The following HFM1 variants were observed in gnomAD, a reference collection of about 807,000 sequenced individuals.
HFM1 encodes the protein helicase for meiosis 1, also known as probable ATP-dependent DNA helicase HFM1.
A neutral mutation model predicts 192.1 loss-of-function variants in HFM1; 169 were observed. That is an observed-to-expected ratio of 0.88 (90% CI 0.78 to 1.00). The LOEUF is 1.00. Ranked by LOEUF, HFM1 falls within the 50% of genes least tolerant of loss-of-function variation. The pLI is 0.00. For missense variants in HFM1, 1,661 were observed against 1,668.0 expected (o/e 1.00, Z 0.07); for synonymous variants, 525 against 537.8 (o/e 0.98, Z 0.33).
At chr1:91,366,814 C>A (rs1659381948) in intron 13 of HFM1, among the ~76,000 whole-genome samples, 3 of 152,202 alleles carry the variant, frequency 2.0e-5, no homozygotes, top group African/African-American at 4.8e-5. Flanking sequence ...CGAGGCATCG[C>A]CTCACCCGGG....
rs191149879 is a variant in HFM1, at chr1:91,310,633, G to C, written c.3391+2716C>G. Among the ~76,000 whole-genome samples, 666 of 152,284 alleles carry C rather than the reference G, an allele frequency of 4.4e-3. 5 individuals carry two copies. Among genetic ancestry groups the C allele is most frequent in the Admixed American group, 9.1e-3 (139 of 15,296 alleles). On this transcript the variant is annotated intron_variant, in intron 30 of 38. Coordinates refer to ENST00000370425, the MANE Select transcript of HFM1 (RefSeq NM_001017975.6). ...CCCACGTGTTGTGGAAGGGACTGAG[G>C]GGGAGGTAATTGAATCATGGAGGCT...
At position 91,385,654 on chromosome 1, in the gene HFM1, A is replaced by C. The variant is rs938052958; in HGVS notation, c.675T>G (p.Ala225=). The change falls in exon 5 of 39, where the codon GCT becomes GCG. Residue 225 remains alanine, a synonymous_variant. Coordinates refer to ENST00000370425, the MANE Select transcript of HFM1 (RefSeq NM_001017975.6). ...YSANVFTANN[A]FSASEIGEGM... ...CTTCTCCGATTTCAGAAGCAGAAAAAGCATTATTTGCTGTAAACACATTTG... is the reference window on the plus strand; with the variant it reads ...CTTCTCCGATTTCAGAAGCAGAAAACGCATTATTTGCTGTAAACACATTTG... The C allele has an allele frequency of 3.7e-6, 6 of 1,612,034 alleles. No individual in the cohort carries two copies. The highest frequency in any genetic ancestry group is 1.7e-5 in the Admixed American group (1 of 59,976).
chr1:91,363,990 A>G (rs889032798), intron 13 of HFM1, among the ~76,000 whole-genome samples: 3 of 152,184 alleles, frequency 2.0e-5, no homozygotes, highest in African/African-American at 7.2e-5. Context: ...AATGATGATA[A>G]CACATGGACA....
intron 13 of HFM1, among the ~76,000 whole-genome samples, chr1:91,366,005 A>C (rs1012023308): frequency 2.6e-5 from 4 of 151,868 alleles, no homozygotes; most frequent in Admixed American, 1.3e-4. Context: ...AGAGATAAAG[A>C]AAAAATAAGG....
chr1:91,404,125 A>G (rs1664602476), intron 1 of HFM1, among the ~76,000 whole-genome samples: 1 of 152,186 alleles, frequency 6.6e-6, no homozygotes, highest in African/African-American at 2.4e-5. Context: ...AACGGGAACA[A>G]ATTACTCCGA....
chr1:91,354,739 A>G (rs1557902271), intron 13 of HFM1, among the ~76,000 whole-genome samples: 1 of 152,158 alleles, frequency 6.6e-6, no homozygotes, highest in African/African-American at 2.4e-5. Flanking sequence ...TACTATACAA[A>G]GCAAAGCTGT....
At chr1:91,264,986 C>T (rs1665610823) in intron 36 of HFM1, among the ~76,000 whole-genome samples, 1 of 152,148 alleles carries the variant, frequency 6.6e-6, no homozygotes, top group South Asian at 2.1e-4. Context: ...ACTGAATCTG[C>T]TCTATTTCTG....
At chr1:91,272,217 A>T (rs1666372570) in intron 34 of HFM1, among the ~76,000 whole-genome samples, 1 of 152,132 alleles carries the variant, frequency 6.6e-6, no homozygotes, top group Non-Finnish European at 1.5e-5. Flanking sequence ...GCATTATCTC[A>T]TTTAATCCTA....
intron 20 of HFM1, among the ~76,000 whole-genome samples, chr1:91,332,753 G>GA (rs1185180420): frequency 6.6e-5 from 10 of 152,040 alleles, no homozygotes; most frequent in Non-Finnish European, 7.4e-5. Context: ...AACTCTACAG[G>GA]AAAAAATCTA....
upstream of HFM1, among the ~76,000 whole-genome samples, chr1:91,407,441 T>C (rs957823817): frequency 1.1e-4 from 17 of 152,218 alleles, no homozygotes; most frequent in African/African-American, 4.1e-4. Flanking sequence ...TATTCTACTT[T>C]CTATTTCTAT....
intron 30 of HFM1, among the ~76,000 whole-genome samples, chr1:91,287,923 A>G (rs1668212790): frequency 6.6e-6 from 1 of 152,216 alleles, no homozygotes; most frequent in Admixed American, 6.5e-5. Flanking sequence ...GCGATGGAAG[A>G]TGAAATGAAT....
At chr1:91,350,069 A>T (rs1656722472) in intron 18 of HFM1, among the ~76,000 whole-genome samples, 1 of 152,164 alleles carries the variant, frequency 6.6e-6, no homozygotes, top group Admixed American at 6.6e-5. Context: ...AACTAAGTAA[A>T]TGTATTACCT....
intron 34 of HFM1, among the ~76,000 whole-genome samples, chr1:91,272,498 G>T (rs994361862): frequency 1.4e-4 from 21 of 151,822 alleles, no homozygotes; most frequent in African/African-American, 5.1e-4. Flanking sequence ...AAGAAAAGTA[G>T]GAAAACCATG....
chr1:91,321,856 T>A (rs1229963067), intron 23 of HFM1, among the ~76,000 whole-genome samples: 1 of 152,186 alleles, frequency 6.6e-6, no homozygotes, highest in African/African-American at 2.4e-5. Context: ...GCACTGAAAG[T>A]GCAAATAAAG....
At chr1:91,350,483 T>C (rs1656781309) in intron 18 of HFM1, among the ~76,000 whole-genome samples, 1 of 152,200 alleles carries the variant, frequency 6.6e-6, no homozygotes, top group Admixed American at 6.5e-5. Context: ...GTTATTTTTA[T>C]TGGAGCTGAA....
chr1:91,329,365 A>C, intron 20 of HFM1: 1 of 1,597,108 alleles, frequency 6.3e-7, no homozygotes. Context: ...AGGCTGAGTA[A>C]GAGTCATTAA....
intron 30 of HFM1, among the ~76,000 whole-genome samples, chr1:91,308,238 AC>A (rs1241255712): frequency 6.6e-6 from 1 of 151,720 alleles, no homozygotes; most frequent in Non-Finnish European, 1.5e-5. Context: ...CATATGTTAG[AC>A]CTTTTTTTGA....
intron 20 of HFM1, among the ~76,000 whole-genome samples, chr1:91,342,151 A>AAAAAAAAAAC (rs58288889): frequency 2.7e-5 from 3 of 111,798 alleles, no homozygotes; most frequent in Admixed American, 1.1e-4. Flanking sequence ...AAAAAAAAAA[A>AAAAAAAAAAC]TTCAGGCGAA....
chr1:91,376,261 C>T (rs920698872), intron 11 of HFM1, among the ~76,000 whole-genome samples: 1 of 151,964 alleles, frequency 6.6e-6, no homozygotes, highest in African/African-American at 2.4e-5. Flanking sequence ...CTGTGGTAAG[C>T]AATCCTTATC....
Sources: allele counts gnomAD v4.1 joint callset (sites outside exome capture counted in the v4.1 genomes callset), GRCh38; gene constraint gnomAD v4.1.1; transcripts MANE v1.5; gene names NCBI Gene and HGNC (gene_info 2026-07-23, HGNC 2026-07-21).